NAV2: variants seen among roughly 807,000 people sequenced by gnomAD.
NAV2 encodes the protein neuron navigator 2, also known as helicase, APC down-regulated 1.
In NAV2, 54 loss-of-function variants were observed where a neutral mutation model predicts 223.2. The observed-to-expected ratio is 0.24, with a 90% CI of 0.19 to 0.30. The LOEUF is 0.30. Among genes scored for constraint, NAV2 ranks in the 10% least tolerant of loss-of-function variants. NAV2 has a pLI of 1.00. For missense variants in NAV2, 2,806 were observed against 3,147.5 expected (o/e 0.89, Z 2.60); for synonymous variants, 1,279 against 1,239.3 (o/e 1.03, Z -0.67).
chr11:20,019,221 C>T (rs1260090627), intron 11 of NAV2, among the ~76,000 whole-genome samples: 1 of 152,098 alleles, frequency 6.6e-6, no homozygotes, highest in Non-Finnish European at 1.5e-5. Flanking sequence ...ATGATGGCAT[C>T]TTGGTCCAAG....
In NAV2 at chr11:19,620,909, G is replaced by A. The variant is rs1361268575; in HGVS notation, c.76-211575G>A. Among the ~76,000 whole-genome samples, 3 of 152,252 alleles carry A rather than the reference G, an allele frequency of 2.0e-5. No homozygotes were observed. The East Asian group carries it at 5.8e-4, about 29-fold the overall frequency. ...ATTGGCTGTGGGTTTGTCATAAATA[G>A]CTCTTATTATTTTGAGATACATCCC... On this transcript the variant is annotated intron_variant, in intron 1 of 37. Coordinates refer to the NAV2 transcript ENST00000360655.
chr11:19,725,996 T>C (rs1040376713), intron 1 of NAV2, among the ~76,000 whole-genome samples: 8 of 152,190 alleles, frequency 5.3e-5, no homozygotes, highest in Non-Finnish European at 1.2e-4. Context: ...GTCTGGTGGC[T>C]TCTAATCGAC....
intron 1 of NAV2, among the ~76,000 whole-genome samples, chr11:19,741,590 C>G (rs1254485602): frequency 1.4e-5 from 2 of 148,032 alleles, no homozygotes; most frequent in Non-Finnish European, 3.0e-5. Flanking sequence ...GCCTAATGTC[C>G]TGCAGTTTCA....
At chr11:19,777,333 G>T in intron 1 of NAV2, 1 of 250,096 alleles carries the variant, frequency 4.0e-6, no homozygotes, top group South Asian at 4.2e-5. Context: ...GGGATGCCTG[G>T]AGGGGCCGCG....
intron 2 of NAV2, among the ~76,000 whole-genome samples, chr11:19,836,328 C>T (rs150441738): frequency 0.075 from 11,321 of 151,932 alleles, 606 homozygotes; most frequent in Non-Finnish European, 0.12. Flanking sequence ...GAGGCCGAGG[C>T]GGGTGGATCA....
chr11:19,976,596 C>G (rs1415452670), intron 10 of NAV2, among the ~76,000 whole-genome samples: 1 of 152,212 alleles, frequency 6.6e-6, no homozygotes, highest in African/African-American at 2.4e-5. Context: ...TTGCAGTACT[C>G]CCCAGTGAGG....
At chr11:19,943,411 T>C (rs960656894) in intron 8 of NAV2, among the ~76,000 whole-genome samples, 3 of 152,292 alleles carry the variant, frequency 2.0e-5, no homozygotes, top group Admixed American at 6.5e-5. Context: ...AAGAGAAAAA[T>C]GCCTTCCAAA....
At position 19,694,939 on chromosome 11, in the gene NAV2, G is replaced by T. The variant is rs79842555; in HGVS notation, c.76-137545G>T. ...CCCGGAGCCTGTTTTCCCTTTCAAG[G>T]TTCCCTTGGCAGAGGCGGGTGTGAC... is the stretch of plus-strand genomic sequence containing the variant. On this transcript the variant is annotated intron_variant, in intron 1 of 37. Transcript: ENST00000360655. 1.6e-3 allele frequency among the ~76,000 whole-genome samples: 243 copies of T among 152,286 alleles called. 6 individuals are homozygous for T. The East Asian group carries it at 0.035, about 22-fold the overall frequency.
intron 1 of NAV2, among the ~76,000 whole-genome samples, chr11:19,400,464 T>C (rs1849636540): frequency 6.6e-6 from 1 of 152,188 alleles, no homozygotes. Flanking sequence ...AGCCAGCTTG[T>C]GTGCTGTCCA....
intron 6 of NAV2, among the ~76,000 whole-genome samples, chr11:19,896,356 A>G (rs934919010): frequency 6.6e-6 from 1 of 152,072 alleles, no homozygotes; most frequent in African/African-American, 2.4e-5. Flanking sequence ...CCTAGCAACC[A>G]CTATTCTACT....
At chr11:19,384,669 C>T (rs1848966145) in intron 1 of NAV2, 1 of 152,218 alleles carries the variant, frequency 6.6e-6, no homozygotes, top group Non-Finnish European at 1.5e-5. Context: ...GTATCCTGTA[C>T]ACTCTCCAGG....
chr11:19,473,552 C>G (rs1187969608), intron 1 of NAV2, among the ~76,000 whole-genome samples: 1 of 152,160 alleles, frequency 6.6e-6, no homozygotes, highest in African/African-American at 2.4e-5. Flanking sequence ...ACACCCCTTC[C>G]CTTTAAGGTA....
rs186507212 is a variant in NAV2 at position 19,393,765 on chromosome 11, T to C, written c.75+42738T>C. Among the ~76,000 whole-genome samples, 149 of 152,306 alleles carry C rather than the reference T, an allele frequency of 9.8e-4. 2 individuals carry two copies. The highest frequency in any genetic ancestry group is 1.3e-4 in the Non-Finnish European group (9 of 68,020). On this transcript the variant is annotated intron_variant, in intron 1 of 37. Coordinates refer to the NAV2 transcript ENST00000360655. Reference sequence around the variant, plus strand: ...TTTGGATTTTCTTCTTTTTTCTCTCTCCTCTGTGCCTGGTTATTTTTCTTT... The same window carrying C: ...TTTGGATTTTCTTCTTTTTTCTCTCCCCTCTGTGCCTGGTTATTTTTCTTT...
At chr11:19,618,408 G>GTATGAATGAATA (rs1288064251) in intron 1 of NAV2, among the ~76,000 whole-genome samples, 2 of 142,122 alleles carry the variant, frequency 1.4e-5, no homozygotes, top group African/African-American at 5.7e-5. Context: ...ATAGATGGAT[G>GTATGAATGAATA]GATGGATGGA....
At chr11:19,600,675 C>A (rs563356125) in intron 1 of NAV2, among the ~76,000 whole-genome samples, 3 of 151,908 alleles carry the variant, frequency 2.0e-5, no homozygotes, top group African/African-American at 7.3e-5. Flanking sequence ...TCTATAGCTG[C>A]GAAATGGGGA....
At chr11:20,010,510 C>CT (rs1225582762) in intron 11 of NAV2, among the ~76,000 whole-genome samples, 2 of 151,990 alleles carry the variant, frequency 1.3e-5, no homozygotes, top group East Asian at 1.9e-4. Flanking sequence ...CCCCCACCAC[C>CT]TTTTTTTTAA....
intron 1 of NAV2, among the ~76,000 whole-genome samples, chr11:19,622,736 T>G (rs2047038317): frequency 6.6e-6 from 1 of 152,238 alleles, no homozygotes. Flanking sequence ...AGTCTGTGTC[T>G]TTTAATTGGA....
chr11:19,518,649 T>C (rs1489704873), intron 1 of NAV2: 2 of 152,230 alleles, frequency 1.3e-5, no homozygotes, highest in Non-Finnish European at 2.9e-5. Context: ...TCAGCAAACA[T>C]TTATTAGTTG....
chr11:20,041,528 T>C (rs574665139), intron 12 of NAV2, among the ~76,000 whole-genome samples: 13 of 152,302 alleles, frequency 8.5e-5, no homozygotes, highest in Non-Finnish European at 1.2e-4. Context: ...TATAGGAACA[T>C]TAAAAGAATA....
Sources: allele counts gnomAD v4.1 joint callset (sites outside exome capture counted in the v4.1 genomes callset), GRCh38; gene constraint gnomAD v4.1.1; transcripts MANE v1.5; gene names NCBI Gene and HGNC (gene_info 2026-07-23, HGNC 2026-07-21).